Variants in RAG2 observed in about 807,000 individuals in gnomAD.
RAG2 encodes the protein V(D)J recombination-activating protein 2.
RAG2 carries 16 observed loss-of-function variants against 31.8 expected under a neutral mutation model. That is an observed-to-expected ratio of 0.50 (90% confidence interval 0.34 to 0.76). The LOEUF (loss-of-function observed/expected upper bound fraction) is 0.76. RAG2 is among the 30% of genes least tolerant of loss of function. The pLI is 0.01. For missense variants in RAG2, 622 were observed against 628.5 expected (o/e 0.99, Z 0.11); for synonymous variants, 199 against 215.9 (o/e 0.92, Z 0.68).
intron 1 of RAG2, among the ~76,000 whole-genome samples, chr11:36,597,207 T>C (rs1707540527): frequency 6.6e-6 from 1 of 152,224 alleles, no homozygotes; most frequent in Non-Finnish European, 1.5e-5. Flanking sequence ...TTTGAAATTT[T>C]GCTTTATCAA....
chr11:36,594,237 T>C, intron 1 of RAG2, 42 bp from the exon 2 acceptor site: 1 of 1,245,706 alleles, frequency 8.0e-7, no homozygotes, highest in Non-Finnish European at 1.2e-6. Flanking sequence ...GATCGCTTCA[T>C]ATAATCATCG....
rs879541124 is a variant in RAG2 at position 36,593,214 on chromosome 11, C to A, written c.955G>T (p.Gly319Ter). 5 of 1,614,168 alleles carry A rather than the reference C, an allele frequency of 3.1e-6. No individual in the cohort carries two copies. The highest frequency in any genetic ancestry group is 1.3e-5 in the African/African-American group (1 of 75,018). Residue 319 changes from glycine (G) to a stop codon, truncating the protein, a stop_gained, in exon 2 of 2, where the codon GGA (glycine) becomes TGA (stop). Coordinates refer to ENST00000311485, the MANE Select transcript of RAG2 (RefSeq NM_000536.4). LOFTEE classifies it high-confidence loss of function. ...ACAGTTCCATTTCCCATGTTGCTTC[C>A]AAACCATATCTTGCTGTGCTTAATG... is the stretch of plus-strand genomic sequence containing the variant. ...PDIKHSKIWF[G>*]SNMGNGTVFL...
In RAG2 at chr11:36,592,848, G is replaced by A; in HGVS notation, c.1321C>T (p.Pro441Ser). 2 of 1,614,106 alleles carry A rather than the reference G, an allele frequency of 1.2e-6. No individual in the cohort carries two copies. The highest frequency in any genetic ancestry group is 1.1e-5 in the South Asian group (1 of 91,078). The change falls in exon 2 of 2, where the codon CCC (proline) becomes TCC (serine). Residue 441 changes from proline to serine, a missense_variant. Physicochemically the swap from Pro to Ser is moderately conservative, Grantham distance 74. Coordinates refer to ENST00000311485, the MANE Select transcript of RAG2 (RefSeq NM_000536.4). ...VPFYSTELNK[P>S]AMIYCSHGDG... ...CCATGAGAGCAGTAGATCATGGCGG[G>A]TTTGTTGAGCTCAGTTGAATAGAAT...
chr11:36,592,574 C>T lies in RAG2; in HGVS notation c.*11G>A, dbSNP rs376130960. The T allele has an allele frequency of 1.2e-4, 187 of 1,613,276 alleles. No individual in the cohort carries two copies. The highest frequency in any genetic ancestry group is 9.9e-4 in the Middle Eastern group (6 of 6,044). On this transcript the variant is annotated 3_prime_UTR_variant, in exon 2 of 2. Coordinates refer to ENST00000311485, the MANE Select transcript of RAG2 (RefSeq NM_000536.4). ...ATTCCATACACCTGAATCTGAAAGG[C>T]TTTTGCAAAACTAATCAAACAACCT...
Position 36,592,622 on chromosome 11 carries a change from G to A in RAG2, c.1547C>T (p.Pro516Leu). ...RKKGSGKILT[P>L]AKKSFLRRLF... ...CCTTCTAAGAAAGGATTTCTTGGCA[G>A]GAGTCAAGATTTTTCCAGAACCTTT... The change falls in exon 2 of 2, where the codon CCT (proline) becomes CTT (leucine). Residue 516 changes from proline (P) to leucine (L), a missense_variant. By Grantham distance (98) the Pro-to-Leu change is moderately conservative (BLOSUM62 -3). Coordinates refer to ENST00000311485, the MANE Select transcript of RAG2 (RefSeq NM_000536.4). 2 of 1,614,098 alleles carry A rather than the reference G, an allele frequency of 1.2e-6. No individual in the cohort carries two copies. Among genetic ancestry groups the A allele is most frequent in the Non-Finnish European group, 1.7e-6 (2 of 1,179,976 alleles).
In RAG2 at chr11:36,593,981, G is replaced by T. The variant is rs1233958711; in HGVS notation, c.188C>A (p.Ser63Tyr). 2 of 1,614,162 alleles carry T rather than the reference G, an allele frequency of 1.2e-6. No individual in the cohort carries two copies. The change falls in exon 2 of 2, where the codon TCT becomes TAT. Residue 63 changes from serine (S) to tyrosine (Y), a missense_variant. By Grantham distance (144) the Ser-to-Tyr change is moderately radical (BLOSUM62 -2). Transcript: ENST00000311485. The stretch of plus-strand genomic sequence containing the variant: ...AGGAGGGAGGTAGCAGGAATCCTTA[G>T]AGAAAATTGTAGGCTTCAGTTTGAC... ...NHVKLKPTIFSKDSCYLPPLR... is the reference protein window; with the variant it reads ...NHVKLKPTIFYKDSCYLPPLR...
chr11:36,592,186 C>G lies in RAG2; in HGVS notation c.*399G>C, dbSNP rs1851031490. The G allele has an allele frequency of 4.6e-6, 1 of 218,006 alleles. No homozygotes were observed. The highest frequency in any genetic ancestry group is 5.3e-5 in the Admixed American group (1 of 18,852). The allele number at this position is 218,006 out of a possible 1,614,324, so 13.5% of individuals were successfully genotyped here. A position where few individuals can be genotyped will look rare whatever the true frequency, so the allele number is the denominator to read the frequency against. On this transcript the variant is annotated 3_prime_UTR_variant, in exon 2 of 2. Coordinates refer to ENST00000311485, the MANE Select transcript of RAG2 (RefSeq NM_000536.4). ...GTTGCACAAAATAATCAATTTAATTCTTTTGGGTGTTAATTTCTTTATTGG... is the reference window on the plus strand; with the variant it reads ...GTTGCACAAAATAATCAATTTAATTGTTTTGGGTGTTAATTTCTTTATTGG...
chr11:36,594,469 A>G, intron 1 of RAG2: 1 of 416,394 alleles, frequency 2.4e-6, no homozygotes, highest in South Asian at 3.0e-5. Flanking sequence ...ACCATGCGTC[A>G]GCTGAAAGAA....
In RAG2 at chr11:36,592,404, G is replaced by T. The variant is rs2133310148; in HGVS notation, c.*181C>A. The T allele has an allele frequency of 1.3e-6, 1 of 745,230 alleles. No homozygotes were observed. Among genetic ancestry groups the T allele is most frequent in the Non-Finnish European group, 2.1e-6 (1 of 471,864 alleles). 46.2% of individuals were successfully genotyped at this position (745,230 alleles called of 1,614,324 possible). A position where few individuals can be genotyped will look rare whatever the true frequency, so the allele number is the denominator to read the frequency against. On this transcript the variant is annotated 3_prime_UTR_variant, in exon 2 of 2. Coordinates refer to ENST00000311485, the MANE Select transcript of RAG2 (RefSeq NM_000536.4). ...GTAAAATATTTTCAAAATGTATAGG[G>T]TCTAGAATGACTTTATTTATCATTG...
intron 1 of RAG2, chr11:36,594,754 T>C (rs1590718580): frequency 6.4e-6 from 1 of 155,190 alleles, no homozygotes; most frequent in East Asian, 1.9e-4. Context: ...CTGGGGACTT[T>C]TGAACAGGTG....
chr11:36,596,654 TG>T (rs1170446731), intron 1 of RAG2, among the ~76,000 whole-genome samples: 1 of 152,130 alleles, frequency 6.6e-6, no homozygotes, highest in Non-Finnish European at 1.5e-5. Flanking sequence ...CCATTTTGGG[TG>T]GGGGGAACAC....
At position 36,592,852 on chromosome 11, in the gene RAG2, G is replaced by A; in HGVS notation, c.1317C>T (p.Asn439=). 1 of 1,614,034 alleles carries A rather than the reference G, an allele frequency of 6.2e-7. No individual in the cohort carries two copies. Among genetic ancestry groups the A allele is most frequent in the Non-Finnish European group, 8.5e-7 (1 of 1,179,978 alleles). Residue 439 remains asparagine, a synonymous_variant, in exon 2 of 2, where the codon AAC becomes AAT. Coordinates refer to ENST00000311485, the MANE Select transcript of RAG2 (RefSeq NM_000536.4). ...TWVPFYSTEL[N]KPAMIYCSHG... ...GAGAGCAGTAGATCATGGCGGGTTT[G>A]TTGAGCTCAGTTGAATAGAATGGTA...
At chr11:36,591,331 T>G (rs757150391), downstream of RAG2, among the ~76,000 whole-genome samples, 1 of 152,184 alleles carries the variant, frequency 6.6e-6, no homozygotes, top group Non-Finnish European at 1.5e-5. Flanking sequence ...CCTTACACAC[T>G]GTAGACTTTC....
rs199798089 is a variant in RAG2, at chr11:36,592,964, T to C, written c.1205A>G (p.Tyr402Cys). 5.9e-5 allele frequency: 95 copies of C among 1,614,166 alleles called. No individual in the cohort carries two copies. The highest frequency in any genetic ancestry group is 1.4e-5 in the Non-Finnish European group (17 of 1,180,024). ...CTCATCTTCTTCATCATCTTCATTATAGGTGTCAAATTCATCATCACCATC... is the reference window on the plus strand; with the variant it reads ...CTCATCTTCTTCATCATCTTCATTACAGGTGTCAAATTCATCATCACCATC... ...SFDGDDEFDT[Y>C]NEDDEEDESE... The change falls in exon 2 of 2, where the codon TAT becomes TGT. Residue 402 changes from tyrosine (Y) to cysteine (C), a missense_variant. By Grantham distance (194) the Tyr-to-Cys change is radical. Coordinates refer to ENST00000311485, the MANE Select transcript of RAG2 (RefSeq NM_000536.4).
chr11:36,591,008 G>GA (rs1851015008), downstream of RAG2, among the ~76,000 whole-genome samples: 1 of 151,984 alleles, frequency 6.6e-6, no homozygotes. Flanking sequence ...GAGTGATCCT[G>GA]AAAAAATTAG....
rs1467153160 is a variant in RAG2 at position 36,593,244 on chromosome 11, G to A, written c.925C>T (p.Pro309Ser). 1 of 1,613,916 alleles carries A rather than the reference G, an allele frequency of 6.2e-7. No individual in the cohort carries two copies. The highest frequency in any genetic ancestry group is 1.3e-5 in the African/African-American group (1 of 74,878). Residue 309 changes from proline to serine, a missense_variant, in exon 2 of 2, where the codon CCA (proline) becomes TCA (serine). By Grantham distance (74) the Pro-to-Ser change is moderately conservative. Transcript: ENST00000311485. ...IREMETPDWTPDIKHSKIWFG... is the reference protein window; with the variant it reads ...IREMETPDWTSDIKHSKIWFG... ...CATATCTTGCTGTGCTTAATGTCTGGGGTCCAATCTGGGGTCTCCATCTCA... is the reference window on the plus strand; with the variant it reads ...CATATCTTGCTGTGCTTAATGTCTGAGGTCCAATCTGGGGTCTCCATCTCA...
downstream of RAG2, among the ~76,000 whole-genome samples, chr11:36,591,161 G>A (rs1242696890): frequency 6.6e-6 from 1 of 152,094 alleles, no homozygotes; most frequent in African/African-American, 2.4e-5. Context: ...TGTTCAACAG[G>A]AATATTCAGC....
chr11:36,593,128 C>T lies in RAG2; in HGVS notation c.1041G>A (p.Met347Ile), dbSNP rs766318035. ...QVVSEGFYFYMLKCAEDDTNE... is the reference protein window; with the variant it reads ...QVVSEGFYFYILKCAEDDTNE... The stretch of plus-strand genomic sequence containing the variant: ...TAGTATCATCTTCAGCACATTTCAA[C>T]ATATAGAAATAGAATCCTTCTGAAA... Residue 347 changes from methionine (M) to isoleucine (I), a missense_variant, in exon 2 of 2, where the codon ATG becomes ATA. Physicochemically the swap from Met to Ile is conservative, Grantham distance 10. Coordinates refer to ENST00000311485, the MANE Select transcript of RAG2 (RefSeq NM_000536.4). 3.7e-6 allele frequency: 6 copies of T among 1,614,006 alleles called. No individual in the cohort carries two copies. Among genetic ancestry groups the T allele is most frequent in the Non-Finnish European group, 5.1e-6 (6 of 1,180,010 alleles).
chr11:36,593,196 C>A lies in RAG2; in HGVS notation c.973G>T (p.Gly325Ter). ...KIWFGSNMGN[G>*]TVFLGIPGDN... The stretch of plus-strand genomic sequence containing the variant: ...CCTGGTATGCCAAGAAAAACAGTTC[C>A]ATTTCCCATGTTGCTTCCAAACCAT... The change falls in exon 2 of 2, where the codon GGA (glycine) becomes TGA (stop). Residue 325 changes from glycine (G) to a stop codon, truncating the protein, a stop_gained. Coordinates refer to ENST00000311485, the MANE Select transcript of RAG2 (RefSeq NM_000536.4). LOFTEE classifies it high-confidence loss of function. 1 of 1,614,168 alleles carries A rather than the reference C, an allele frequency of 6.2e-7. No individual in the cohort carries two copies. Among genetic ancestry groups the A allele is most frequent in the East Asian group, 2.2e-5 (1 of 44,880 alleles).
Sources: gnomAD v4.1 joint callset for allele counts (sites outside exome capture counted in the v4.1 genomes callset) on GRCh38, gnomAD v4.1.1 for gene constraint, MANE v1.5 for transcripts, NCBI Gene and HGNC (gene_info 2026-07-23, HGNC 2026-07-21) for gene names.